Variants in ANKRD55 observed in about 807,000 individuals in gnomAD.
ANKRD55 encodes ankyrin repeat domain-containing protein 55.
A neutral mutation model predicts 60.6 loss-of-function variants in ANKRD55; 41 were observed. The ratio of observed to expected loss-of-function variants is 0.68; its 90% CI spans 0.53 to 0.88. The LOEUF is 0.88. Among genes scored for constraint, ANKRD55 ranks in the 40% least tolerant of loss-of-function variants. The pLI is 0.00. For synonymous variants in ANKRD55, 264 were observed against 290.3 expected (o/e 0.91, Z 0.92); for missense variants, 732 against 767.6 (o/e 0.95, Z 0.55).
chr5:56,212,540 G>A (rs969653620), intron 2 of ANKRD55, among the ~76,000 whole-genome samples: 5 of 152,254 alleles, frequency 3.3e-5, no homozygotes, highest in Admixed American at 1.3e-4. Flanking sequence ...TTTTACAGAC[G>A]AATTTTCTTT....
intron 4 of ANKRD55, among the ~76,000 whole-genome samples, chr5:56,173,644 A>G (rs1758672306): frequency 1.5e-5 from 2 of 134,856 alleles, no homozygotes; most frequent in South Asian, 4.8e-4. Context: ...TCCTGGGTTC[A>G]GGTGATTCTC....
intron 2 of ANKRD55, among the ~76,000 whole-genome samples, chr5:56,199,624 C>A (rs918287825): frequency 6.6e-6 from 1 of 150,764 alleles, no homozygotes; most frequent in Non-Finnish European, 1.5e-5. Context: ...GGTTTGGTGG[C>A]TCACGCCTGT....
intron 2 of ANKRD55, among the ~76,000 whole-genome samples, chr5:56,187,852 G>A (rs956331561): frequency 6.6e-6 from 1 of 152,126 alleles, no homozygotes; most frequent in Non-Finnish European, 1.5e-5. Flanking sequence ...CAGATAACAC[G>A]AGGCTGGCTA....
At chr5:56,208,160 C>T (rs1244149279) in intron 2 of ANKRD55, among the ~76,000 whole-genome samples, 1 of 151,904 alleles carries the variant, frequency 6.6e-6, no homozygotes, top group Non-Finnish European at 1.5e-5. Flanking sequence ...TATTTTCCAC[C>T]TTCACATCTT....
At chr5:56,127,200 A>C in intron 7 of ANKRD55, 94 bp from the exon 8 acceptor site, 7 of 1,321,202 alleles carry the variant, frequency 5.3e-6, no homozygotes, top group Non-Finnish European at 6.8e-6. Context: ...GAAAAAAAGG[A>C]AAGAAAGAAA....
chr5:56,191,938 A>G (rs1407898701), intron 2 of ANKRD55, among the ~76,000 whole-genome samples: 3 of 152,244 alleles, frequency 2.0e-5, no homozygotes, highest in Non-Finnish European at 4.4e-5. Context: ...GAAATGAGGA[A>G]GCATGATGTA....
intron 8 of ANKRD55, among the ~76,000 whole-genome samples, chr5:56,118,553 G>A (rs1756945864): frequency 1.3e-5 from 2 of 152,024 alleles, no homozygotes; most frequent in Admixed American, 1.3e-4. Flanking sequence ...GAACCGGGGA[G>A]GCAGAGCTTG....
chr5:56,167,601 T>A (rs2111808185), intron 5 of ANKRD55, among the ~76,000 whole-genome samples: 1 of 152,360 alleles, frequency 6.6e-6, no homozygotes, highest in South Asian at 2.1e-4. Context: ...AGCATTGCCA[T>A]AACTAAAGCA....
chr5:56,151,263 G>A (rs1274293651), intron 6 of ANKRD55, among the ~76,000 whole-genome samples: 2 of 152,040 alleles, frequency 1.3e-5, no homozygotes, highest in Non-Finnish European at 2.9e-5. Context: ...AAGTCTACAG[G>A]ACATTTTTAA....
At chr5:56,120,851 A>G (rs1757026074) in intron 8 of ANKRD55, among the ~76,000 whole-genome samples, 1 of 149,334 alleles carries the variant, frequency 6.7e-6, no homozygotes, top group Non-Finnish European at 1.5e-5. Flanking sequence ...GTGAGCCAAG[A>G]TCGCGCCACT....
At chr5:56,210,839 A>G (rs1482432341) in intron 2 of ANKRD55, among the ~76,000 whole-genome samples, 1 of 152,122 alleles carries the variant, frequency 6.6e-6, no homozygotes, top group Non-Finnish European at 1.5e-5. Context: ...AAATTTGTAA[A>G]CTTTCTTTTT....
At chr5:56,189,185 T>C (rs1039738822) in intron 2 of ANKRD55, among the ~76,000 whole-genome samples, 5 of 151,900 alleles carry the variant, frequency 3.3e-5, no homozygotes, top group Non-Finnish European at 7.4e-5. Flanking sequence ...AAGAGTTTTT[T>C]TAATTAAAAA....
intron 10 of ANKRD55, among the ~76,000 whole-genome samples, chr5:56,106,316 A>T (rs1441721681): frequency 6.6e-6 from 1 of 152,054 alleles, no homozygotes; most frequent in African/African-American, 2.4e-5. Context: ...CTAGACTAAC[A>T]ACAACGACAA....
intron 4 of ANKRD55, among the ~76,000 whole-genome samples, chr5:56,173,570 CTCTCTCTCTCTCTATATATATA>C (rs1758661844): frequency 9.0e-6 from 1 of 110,970 alleles, no homozygotes; most frequent in African/African-American, 4.2e-5. Flanking sequence ...CTCTCTCTCT[CTCTCTCTCTCTCTATATATATA>C]TATATATATA....
intron 2 of ANKRD55, among the ~76,000 whole-genome samples, chr5:56,195,962 A>G (rs1310247892): frequency 6.6e-6 from 1 of 152,222 alleles, no homozygotes; most frequent in Non-Finnish European, 1.5e-5. Context: ...CATAGTGTGG[A>G]CATGAATTTT....
intron 5 of ANKRD55, 123 bp from the exon 6 acceptor site, chr5:56,160,016 C>T (rs1027613761): frequency 7.9e-6 from 6 of 754,762 alleles, no homozygotes; most frequent in Non-Finnish European, 1.1e-5. Flanking sequence ...AAGATGAGGG[C>T]CCTTTCCGTT....
intron 2 of ANKRD55, among the ~76,000 whole-genome samples, chr5:56,225,902 C>G (rs1760099120): frequency 6.6e-6 from 1 of 152,184 alleles, no homozygotes; most frequent in Admixed American, 6.5e-5. Context: ...AATGGCCATA[C>G]TGCCCAAGGT....
intron 4 of ANKRD55, among the ~76,000 whole-genome samples, chr5:56,171,487 T>C (rs533751586): frequency 6.6e-6 from 1 of 152,252 alleles, no homozygotes; most frequent in African/African-American, 2.4e-5. Context: ...CATCTTCTCA[T>C]TGTCTTTCCC....
chr5:56,157,623 T>C (rs970025478), intron 6 of ANKRD55, among the ~76,000 whole-genome samples: 2 of 152,178 alleles, frequency 1.3e-5, no homozygotes, highest in Non-Finnish European at 2.9e-5. Flanking sequence ...CTTTAAGGCA[T>C]TGAGATGTTT....
Sources: gnomAD v4.1 joint callset for allele counts (sites outside exome capture counted in the v4.1 genomes callset) on GRCh38, gnomAD v4.1.1 for gene constraint, MANE v1.5 for transcripts, NCBI Gene and HGNC (gene_info 2026-07-23, HGNC 2026-07-21) for gene names.